The following RMDN2 variants were observed in gnomAD, a reference collection of about 807,000 sequenced individuals.
RMDN2 encodes the protein regulator of microtubule dynamics 2.
A neutral mutation model predicts 52.8 loss-of-function variants in RMDN2; 61 were observed. That is an observed-to-expected ratio of 1.16 (90% CI 0.94 to 1.43). The LOEUF is 1.43. Among genes scored for constraint, RMDN2 ranks in the 40% most tolerant of loss-of-function variants. RMDN2 has a pLI of 0.00. For synonymous variants in RMDN2, 180 were observed against 153.1 expected (o/e 1.18, Z -1.30); for missense variants, 592 against 475.3 (o/e 1.25, Z -2.28).
chr2:37,968,547 A>G (rs933189595), intron 2 of RMDN2, among the ~76,000 whole-genome samples: 3 of 152,142 alleles, frequency 2.0e-5, no homozygotes, highest in Admixed American at 6.5e-5. Context: ...ACTTATGTAA[A>G]TACACTCTTT....
intron 10 of RMDN2, among the ~76,000 whole-genome samples, chr2:38,027,520 C>G (rs990584094): frequency 2.6e-5 from 4 of 152,168 alleles, no homozygotes; most frequent in South Asian, 2.1e-4. Flanking sequence ...TATTACATTT[C>G]TTTTTAAAAT....
chr2:37,997,456 C>A lies in RMDN2; in HGVS notation c.986C>A (p.Thr329Asn). 6.2e-7 allele frequency: 1 copy of A among 1,613,884 alleles called. No individual in the cohort carries two copies. Among genetic ancestry groups the A allele is most frequent in the Non-Finnish European group, 8.5e-7 (1 of 1,179,854 alleles). ...LSWIEKKMAA[T>N]LFGKIPSSTV... Reference sequence around the variant, plus strand: ...TGGATTGAGAAAAAAATGGCTGCTACTCTGTTTGGAAAAATACCATCTTCA... The same window carrying A: ...TGGATTGAGAAAAAAATGGCTGCTAATCTGTTTGGAAAAATACCATCTTCA... Residue 329 changes from threonine (T) to asparagine (N), a missense_variant, in exon 8 of 11, where the codon ACT becomes AAT. By Grantham distance (65) the Thr-to-Asn change is moderately conservative (BLOSUM62 0). Transcript: ENST00000354545.
chr2:38,007,644 T>C (rs1677306350), intron 10 of RMDN2, among the ~76,000 whole-genome samples: 1 of 152,222 alleles, frequency 6.6e-6, no homozygotes, highest in Admixed American at 6.5e-5. Context: ...TGTTGATCTT[T>C]TCAAAAAATC....
At chr2:37,971,018 T>A (rs1169912465) in intron 2 of RMDN2, among the ~76,000 whole-genome samples, 1 of 152,120 alleles carries the variant, frequency 6.6e-6, no homozygotes, top group Non-Finnish European at 1.5e-5. Context: ...TTCACTTTTT[T>A]AATGGTATCT....
In RMDN2 at chr2:37,958,392, A is replaced by C. The variant is rs142981439; in HGVS notation, c.453-15648A>C. On this transcript the variant is annotated intron_variant, in intron 2 of 10. Coordinates refer to ENST00000354545, the MANE Select transcript of RMDN2 (RefSeq NM_001170791.3). The stretch of plus-strand genomic sequence containing the variant: ...TCTAAGTTGTATTCCTAGGTATTTT[A>C]TTCTATTTGTAGCAATTGTGAATGG... Among the ~76,000 whole-genome samples the C allele has an allele frequency of 3.5e-3, 501 of 143,984 alleles. 33 individuals carry two copies. Among genetic ancestry groups the C allele is most frequent in the East Asian group, 0.027 (141 of 5,176 alleles). 94.5% of individuals were successfully genotyped at this position (143,984 alleles called of 152,430 possible).
chr2:37,970,973 A>G (rs1671735978), intron 2 of RMDN2, among the ~76,000 whole-genome samples: 2 of 151,920 alleles, frequency 1.3e-5, no homozygotes, highest in Non-Finnish European at 2.9e-5. Flanking sequence ...CAGATATATG[A>G]TTCATAACAT....
chr2:37,953,260 T>C lies in RMDN2; in HGVS notation c.453-20780T>C, dbSNP rs552173288. ...TTCAGCAACATTAAGTACATTCACA[T>C]TGTTGTACAGCCATCACCACCATCC... On this transcript the variant is annotated intron_variant, in intron 2 of 10. Coordinates refer to ENST00000354545, the MANE Select transcript of RMDN2 (RefSeq NM_001170791.3). The C allele has an allele frequency of 7.9e-5, 12 of 152,154 alleles. No homozygotes were observed. In the South Asian group the frequency reaches 2.5e-3, roughly 32 times the overall value. The allele number at this position is 152,154 out of a possible 1,614,324, so 9.4% of individuals were successfully genotyped here.
chr2:37,966,160 G>A (rs570099015), intron 2 of RMDN2, among the ~76,000 whole-genome samples: 157 of 152,202 alleles, frequency 1.0e-3, no homozygotes, highest in Non-Finnish European at 1.6e-3. Flanking sequence ...GGTGGCTCAC[G>A]CCTGTAATCC....
At position 37,929,693 on chromosome 2, in the gene RMDN2, C is replaced by G. The variant is rs2124886873; in HGVS notation, c.416C>G (p.Thr139Arg). Reference protein sequence around the residue: ...RRLPTIQSSATSNSSEEAESE... With the variant: ...RRLPTIQSSARSNSSEEAESE... ...CTCCCCACAATTCAAAGTTCAGCAACAAGTAATAGTTCAGAGGAAGCAGAA... is the reference window on the plus strand; with the variant it reads ...CTCCCCACAATTCAAAGTTCAGCAAGAAGTAATAGTTCAGAGGAAGCAGAA... Residue 139 changes from threonine (T) to arginine (R), a missense_variant, in exon 2 of 11, where the codon ACA (threonine) becomes AGA (arginine). Coordinates refer to ENST00000354545, the MANE Select transcript of RMDN2 (RefSeq NM_001170791.3). 1.3e-6 allele frequency: 2 copies of G among 1,527,522 alleles called. No homozygotes were observed. The highest frequency in any genetic ancestry group is 2.5e-5 in the East Asian group (1 of 40,786). 94.6% of individuals were successfully genotyped at this position (1,527,522 alleles called of 1,614,324 possible).
intron 10 of RMDN2, among the ~76,000 whole-genome samples, chr2:38,061,642 C>CAG (rs1682054903): frequency 7.1e-6 from 1 of 141,152 alleles, no homozygotes; most frequent in Non-Finnish European, 1.5e-5. Flanking sequence ...AGTACACACA[C>CAG]ACACACACAC....
intron 3 of RMDN2, 42 bp downstream of exon 3, chr2:37,974,256 T>A (rs1672175482): frequency 1.6e-6 from 2 of 1,261,674 alleles, no homozygotes; most frequent in South Asian, 1.7e-5. Context: ...TTCCATTTTT[T>A]AATTTAATCT....
At chr2:37,975,453 A>G in intron 4 of RMDN2, 139 bp downstream of exon 4, 1 of 536,234 alleles carries the variant, frequency 1.9e-6, no homozygotes, top group Non-Finnish European at 3.4e-6. Context: ...AAACTAACAC[A>G]AGAACAGAAA....
intron 10 of RMDN2, among the ~76,000 whole-genome samples, chr2:38,057,979 T>G (rs1681907605): frequency 6.6e-6 from 1 of 152,230 alleles, no homozygotes; most frequent in African/African-American, 2.4e-5. Context: ...AGGTATTTCT[T>G]CATAGGACTG....
chr2:38,029,844 A>G lies in RMDN2; in HGVS notation c.1713+25628A>G, dbSNP rs75651634. Reference sequence around the variant, plus strand: ...ATAATTTATAAAGAAAAAGAAGTTTAATGGACTCACAGTTCCACGTGGCTG... The same window carrying G: ...ATAATTTATAAAGAAAAAGAAGTTTGATGGACTCACAGTTCCACGTGGCTG... On this transcript the variant is annotated intron_variant, in intron 10 of 10. Transcript: ENST00000234195. 3.9e-4 allele frequency: 60 copies of G among 152,360 alleles called. No individual in the cohort carries two copies. In the East Asian group the frequency reaches 9.3e-3, roughly 24 times the overall value. The allele number at this position is 152,360 out of a possible 1,614,324, so 9.4% of individuals were successfully genotyped here.
At chr2:37,941,519 G>T (rs1350232301) in intron 2 of RMDN2, among the ~76,000 whole-genome samples, 2 of 152,232 alleles carry the variant, frequency 1.3e-5, no homozygotes, top group African/African-American at 4.8e-5. Context: ...CAGTTGCTCT[G>T]TCCCAGGGAA....
intron 2 of RMDN2, among the ~76,000 whole-genome samples, chr2:37,960,680 C>G (rs1051153224): frequency 1.3e-5 from 2 of 152,112 alleles, no homozygotes; most frequent in Non-Finnish European, 2.9e-5. Context: ...GGGCACTTAG[C>G]CCACTTACAT....
chr2:37,991,176 AT>A, intron 6 of RMDN2, 43 bp from the exon 7 acceptor site: 1 of 1,145,212 alleles, frequency 8.7e-7, no homozygotes. Context: ...AGTCAACAAT[AT>A]CTGAAACTTG....
At chr2:37,961,933 C>T (rs1342244034) in intron 2 of RMDN2, among the ~76,000 whole-genome samples, 1 of 152,194 alleles carries the variant, frequency 6.6e-6, no homozygotes, top group African/African-American at 2.4e-5. Flanking sequence ...AGTTTTCCTT[C>T]TAACAGTCAG....
chr2:37,963,380 G>A (rs1670547343), intron 2 of RMDN2, among the ~76,000 whole-genome samples: 1 of 148,906 alleles, frequency 6.7e-6, no homozygotes, highest in African/African-American at 2.5e-5. Flanking sequence ...GATTTGGCAG[G>A]GTCATAGGAC....
Sources: gnomAD v4.1 joint callset for allele counts (sites outside exome capture counted in the v4.1 genomes callset) on GRCh38, gnomAD v4.1.1 for gene constraint, MANE v1.5 for transcripts, NCBI Gene and HGNC (gene_info 2026-07-23, HGNC 2026-07-21) for gene names.